C19orf38: variants seen among roughly 807,000 people sequenced by gnomAD.
The protein encoded by C19orf38 is protein HIDE1.
In C19orf38, 14 loss-of-function variants were observed where a neutral mutation model predicts 26.6. The ratio of observed to expected loss-of-function variants is 0.53; its 90% confidence interval spans 0.35 to 0.82. C19orf38 has a LOEUF of 0.82. Among genes scored for constraint, C19orf38 ranks in the 40% least tolerant of loss-of-function variants. C19orf38 has a pLI of 0.01. For missense variants in C19orf38, 261 were observed against 299.5 expected, an observed-to-expected ratio of 0.87 and a Z score of 0.95; for synonymous variants, 132 against 128.5, an observed-to-expected ratio of 1.03 and a Z score of -0.18.
intron 6 of C19orf38, among the ~76,000 whole-genome samples, chr19:10,868,073 G>A (rs938039425): frequency 3.3e-5 from 5 of 152,138 alleles, no homozygotes; most frequent in Admixed American, 2.0e-4. Context: ...GTGCAGAACC[G>A]TGCCATGACC....
rs146765027 is a variant in C19orf38, at chr19:10,861,961, C to T, written c.506-1209C>T. Among the ~76,000 whole-genome samples the T allele has an allele frequency of 3.8e-3, 581 of 151,960 alleles. 3 individuals are homozygous for T. The highest frequency in any genetic ancestry group is 0.013 in the African/African-American group (531 of 41,406). ...TCGCCCAGGCTGGAGTGCGGTGACG[C>T]GATCTGGGCTCACTGCAAGCTCTGC... On this transcript the variant is annotated intron_variant, in intron 5 of 6. Coordinates refer to ENST00000397820, the MANE Select transcript of C19orf38 (RefSeq NM_001136482.3).
intron 6 of C19orf38, among the ~76,000 whole-genome samples, chr19:10,867,641 C>CTTTTTTTTTT (rs953156656): frequency 1.7e-5 from 1 of 58,840 alleles, no homozygotes; most frequent in Admixed American, 2.1e-4. Flanking sequence ...GAAGAACATT[C>CTTTTTTTTTT]TTTTTTTTTT....
At chr19:10,850,228 G>A (rs559544623) in intron 1 of C19orf38, 31 bp from the exon 2 acceptor site, 60 of 1,517,532 alleles carry the variant, frequency 4.0e-5, no homozygotes, top group East Asian at 7.4e-5. Flanking sequence ...CTCTCACCAC[G>A]CACCCACCCA....
At chr19:10,846,657 G>T (rs1001463805), upstream of C19orf38, among the ~76,000 whole-genome samples, 1 of 152,176 alleles carries the variant, frequency 6.6e-6, no homozygotes, top group African/African-American at 2.4e-5. Context: ...ACTAATTTAT[G>T]TGTCAGGAAT....
chr19:10,838,895 C>T (rs1033412653), intron 1 of C19orf38, among the ~76,000 whole-genome samples: 4 of 151,716 alleles, frequency 2.6e-5, no homozygotes, highest in African/African-American at 4.8e-5. Flanking sequence ...TGTGCCACAT[C>T]GCCCATTTCT....
intron 4 of C19orf38, among the ~76,000 whole-genome samples, chr19:10,858,974 T>C (rs1025434958): frequency 6.6e-6 from 1 of 151,170 alleles, no homozygotes; most frequent in Non-Finnish European, 1.5e-5. Flanking sequence ...TTCACTCTTG[T>C]TGCCCAGGCT....
intron 5 of C19orf38, among the ~76,000 whole-genome samples, chr19:10,861,324 G>A (rs973827396): frequency 2.6e-5 from 4 of 152,214 alleles, no homozygotes; most frequent in Non-Finnish European, 4.4e-5. Flanking sequence ...CCAAGGGGGC[G>A]AAAGGCAGCC....
intron 1 of C19orf38, among the ~76,000 whole-genome samples, chr19:10,841,446 A>C (rs1263369185): frequency 1.3e-5 from 2 of 151,260 alleles, no homozygotes; most frequent in African/African-American, 4.9e-5. Context: ...TTGGCCCACT[A>C]CACTCCAGCC....
intron 5 of C19orf38, among the ~76,000 whole-genome samples, chr19:10,860,491 C>T (rs1474259924): frequency 6.3e-5 from 9 of 142,130 alleles, no homozygotes; most frequent in Non-Finnish European, 9.0e-5. Context: ...GCTGAGATTG[C>T]GCCACTGCAC....
upstream of C19orf38, among the ~76,000 whole-genome samples, chr19:10,845,018 G>GGT (rs1304620549): frequency 7.8e-6 from 1 of 128,076 alleles, no homozygotes; most frequent in Non-Finnish European, 1.8e-5. Flanking sequence ...AATTTAGCCA[G>GGT]GTGCCGTGCA....
chr19:10,850,785 G>C (rs1176472664), intron 2 of C19orf38, among the ~76,000 whole-genome samples: 1 of 152,154 alleles, frequency 6.6e-6, no homozygotes, highest in African/African-American at 2.4e-5. Flanking sequence ...TTCAGGTATG[G>C]CTAGATCCAG....
intron 5 of C19orf38, among the ~76,000 whole-genome samples, chr19:10,862,055 C>T (rs1177417139): frequency 1.3e-5 from 2 of 151,970 alleles, no homozygotes; most frequent in East Asian, 1.9e-4. Context: ...CCCGCCACCA[C>T]ACCCGGCTAA....
rs748268032 is a variant in C19orf38 at position 10,869,316 on chromosome 19, G to A, written c.642G>A (p.Thr214=). 275 of 1,551,540 alleles carry A rather than the reference G, an allele frequency of 1.8e-4. 3 individuals carry two copies. In the South Asian group the frequency reaches 3.0e-3, roughly 17 times the overall value. The change falls in exon 7 of 7, where the codon ACG becomes ACA. Residue 214 remains threonine (T), a synonymous_variant. Coordinates refer to ENST00000397820, the MANE Select transcript of C19orf38 (RefSeq NM_001136482.3). The stretch of plus-strand genomic sequence containing the variant: ...GGACCCGGAAGAGGCCCACTTCCAC[G>A]TCCTCCTCGCCTGAGACCCCCGAAT... ...NSRTRKRPTS[T]SSSPETPEFS...
chr19:10,869,610 A>G lies in C19orf38; in HGVS notation c.*243A>G, dbSNP rs1223044572. ...CTTCGGCTCCTCAGGACCACCAGAG[A>G]AGGAGATGTCAGGACCCCTTCTTGT... On this transcript the variant is annotated 3_prime_UTR_variant, in exon 7 of 7. Coordinates refer to ENST00000397820, the MANE Select transcript of C19orf38 (RefSeq NM_001136482.3). 6 of 525,776 alleles carry G rather than the reference A, an allele frequency of 1.1e-5. No individual in the cohort carries two copies. The highest frequency in any genetic ancestry group is 3.5e-5 in the East Asian group (1 of 28,664). The allele number at this position is 525,776 out of a possible 1,614,324, so 32.6% of individuals were successfully genotyped here.
intron 1 of C19orf38, 46 bp from the exon 2 acceptor site, chr19:10,850,213 C>G: frequency 1.3e-6 from 2 of 1,493,174 alleles, no homozygotes; most frequent in Non-Finnish European, 1.8e-6. Flanking sequence ...CCAGGGCAGC[C>G]TCCACTCTCA....
chr19:10,865,668 A>G (rs1599673315), intron 6 of C19orf38, among the ~76,000 whole-genome samples: 1 of 152,244 alleles, frequency 6.6e-6, no homozygotes, highest in East Asian at 1.9e-4. Flanking sequence ...AAGCATTCAC[A>G]TGTCAAAATA....
At chr19:10,859,348 GTATATA>G (rs1164393634) in intron 4 of C19orf38, among the ~76,000 whole-genome samples, 2,210 of 55,728 alleles carry the variant, frequency 0.04, 107 homozygotes, top group African/African-American at 0.15. Context: ...GTGTGTGTGT[GTATATA>G]TATATATATA....
At chr19:10,836,824 A>G (rs1460653160) in intron 1 of C19orf38, 1 of 152,390 alleles carries the variant, frequency 6.6e-6, no homozygotes, top group South Asian at 2.0e-4. Flanking sequence ...GAGAATTGAG[A>G]TGAGGCTTGG....
At chr19:10,859,326 A>G (rs867081137) in intron 4 of C19orf38, among the ~76,000 whole-genome samples, 128 of 78,734 alleles carry the variant, frequency 1.6e-3, no homozygotes, top group African/African-American at 2.0e-3. Context: ...GTGTGTGTGT[A>G]TGTATGTGTG....
Sources: allele counts gnomAD v4.1 joint callset (sites outside exome capture counted in the v4.1 genomes callset), GRCh38; gene constraint gnomAD v4.1.1; transcripts MANE v1.5; gene names NCBI Gene and HGNC (gene_info 2026-07-23, HGNC 2026-07-21).